Variants in DPP10 observed in about 807,000 individuals in gnomAD.
DPP10 encodes dipeptidyl peptidase like 10.
In DPP10, 33 loss-of-function variants were observed where a neutral mutation model predicts 120.9. The ratio of observed to expected loss-of-function variants is 0.27; its 90% CI spans 0.21 to 0.37. The LOEUF is 0.37. DPP10 is among the 10% of genes least tolerant of loss of function. DPP10 has a pLI of 1.00. For synonymous variants in DPP10, 337 were observed against 326.1 expected, an observed-to-expected ratio of 1.03 and a Z score of -0.36; for missense variants, 816 against 942.8, an observed-to-expected ratio of 0.87 and a Z score of 1.76.
chr2:114,487,278 A>G (rs1024581345), intron 1 of DPP10, among the ~76,000 whole-genome samples: 8 of 152,214 alleles, frequency 5.3e-5, no homozygotes, highest in Non-Finnish European at 1.2e-4. Flanking sequence ...ATGCAAATAA[A>G]TAATAAGTTT....
At chr2:114,862,431 GA>G (rs759290583) in intron 1 of DPP10, among the ~76,000 whole-genome samples, 10 of 150,774 alleles carry the variant, frequency 6.6e-5, no homozygotes, top group South Asian at 4.2e-4. Flanking sequence ...TAGCAGAGTG[GA>G]AAAAAAAACC....
intron 1 of DPP10, among the ~76,000 whole-genome samples, chr2:114,959,913 G>A (rs1011986660): frequency 1.3e-5 from 2 of 152,060 alleles, no homozygotes; most frequent in Admixed American, 1.3e-4. Flanking sequence ...TTTTAATTGG[G>A]CTATTTATTT....
intron 1 of DPP10, among the ~76,000 whole-genome samples, chr2:114,518,321 A>T (rs1264929657): frequency 6.6e-6 from 1 of 151,834 alleles, no homozygotes; most frequent in African/African-American, 2.4e-5. Flanking sequence ...CAGGTAGTCC[A>T]CCTGCCTCGG....
At chr2:115,425,197 G>C (rs543532006) in intron 3 of DPP10, among the ~76,000 whole-genome samples, 359 of 152,254 alleles carry the variant, frequency 2.4e-3, no homozygotes, top group Non-Finnish European at 4.4e-3. Flanking sequence ...TTCCAGAGAG[G>C]AGTTATGGGT....
chr2:115,830,620 A>T (rs1688823865), intron 21 of DPP10, among the ~76,000 whole-genome samples: 2 of 152,220 alleles, frequency 1.3e-5, no homozygotes, highest in Admixed American at 1.3e-4. Context: ...ATGTAAACTA[A>T]ACATAATTGG....
chr2:115,314,800 A>G (rs1028841328), intron 2 of DPP10, among the ~76,000 whole-genome samples: 4 of 152,312 alleles, frequency 2.6e-5, no homozygotes, highest in Admixed American at 2.6e-4. Context: ...CATTTGAGTC[A>G]AAACAGAGAA....
intron 3 of DPP10, among the ~76,000 whole-genome samples, chr2:115,380,261 G>C (rs957397869): frequency 6.6e-6 from 1 of 152,252 alleles, no homozygotes; most frequent in Non-Finnish European, 1.5e-5. Flanking sequence ...ATATATTTAG[G>C]ATAGTTAGCT....
chr2:115,753,381 C>A, intron 11 of DPP10, 84 bp downstream of exon 11: 4 of 1,313,256 alleles, frequency 3.0e-6, no homozygotes, highest in Admixed American at 2.7e-5. Context: ...ATGCTTTGTA[C>A]AAAAAAAATT....
At chr2:114,818,765 A>G (rs192365142) in intron 1 of DPP10, among the ~76,000 whole-genome samples, 11 of 152,268 alleles carry the variant, frequency 7.2e-5, no homozygotes, top group Admixed American at 5.9e-4. Context: ...TACAGATTGT[A>G]TGCTTGTCTA....
chr2:115,296,408 C>T (rs1250614844), intron 1 of DPP10, among the ~76,000 whole-genome samples: 1 of 152,044 alleles, frequency 6.6e-6, no homozygotes, highest in Admixed American at 6.6e-5. Flanking sequence ...CTATGTTTGG[C>T]ATCTTACCTG....
chr2:114,642,970 T>C (rs181894828), intron 1 of DPP10, among the ~76,000 whole-genome samples: 54 of 152,020 alleles, frequency 3.6e-4, no homozygotes, highest in African/African-American at 1.2e-3. Context: ...GACACCCACA[T>C]GGGGGTTATA....
chr2:114,787,947 A>G (rs1187455185), intron 1 of DPP10, among the ~76,000 whole-genome samples: 1 of 152,162 alleles, frequency 6.6e-6, no homozygotes, highest in Non-Finnish European at 1.5e-5. Context: ...AATAGTTTTC[A>G]CTTTTCTTAT....
At chr2:114,850,114 G>A (rs938031848) in intron 1 of DPP10, among the ~76,000 whole-genome samples, 1 of 147,080 alleles carries the variant, frequency 6.8e-6, no homozygotes, top group African/African-American at 2.5e-5. Context: ...TTGAACTTCT[G>A]GGCTCAAGTG....
chr2:114,596,549 TC>T (rs1297901773), intron 1 of DPP10, among the ~76,000 whole-genome samples: 1 of 152,070 alleles, frequency 6.6e-6, no homozygotes, highest in African/African-American at 2.4e-5. Flanking sequence ...ATATAATGCA[TC>T]ATTTTAACTA....
At chr2:114,879,739 G>A (rs907286385) in intron 1 of DPP10, among the ~76,000 whole-genome samples, 11 of 152,048 alleles carry the variant, frequency 7.2e-5, no homozygotes, top group Non-Finnish European at 1.3e-4. Flanking sequence ...TGATTTAAGA[G>A]GGTGACAAAC....
chr2:114,845,029 T>C (rs1688433783), intron 1 of DPP10, among the ~76,000 whole-genome samples: 1 of 152,144 alleles, frequency 6.6e-6, no homozygotes, highest in Non-Finnish European at 1.5e-5. Context: ...CAATTGTTAA[T>C]AAATTTAAAA....
chr2:114,945,069 C>T (rs1302336342), intron 1 of DPP10, among the ~76,000 whole-genome samples: 2 of 152,124 alleles, frequency 1.3e-5, no homozygotes, highest in Non-Finnish European at 2.9e-5. Flanking sequence ...TAAAACAAAA[C>T]ACCTAGACAC....
At chr2:114,642,514 C>T (rs1695787955) in intron 1 of DPP10, among the ~76,000 whole-genome samples, 5 of 151,942 alleles carry the variant, frequency 3.3e-5, no homozygotes, top group Admixed American at 3.3e-4. Flanking sequence ...TAAGCAGCTA[C>T]TTGGTACTAA....
intron 1 of DPP10, among the ~76,000 whole-genome samples, chr2:114,983,134 A>G (rs1700190361): frequency 6.6e-6 from 1 of 152,174 alleles, no homozygotes; most frequent in African/African-American, 2.4e-5. Flanking sequence ...TTTTTAAGTG[A>G]ATAGGAAGAG....
Sources: allele counts gnomAD v4.1 joint callset (sites outside exome capture counted in the v4.1 genomes callset), GRCh38; gene constraint gnomAD v4.1.1; transcripts MANE v1.5; gene names NCBI Gene and HGNC (gene_info 2026-07-23, HGNC 2026-07-21).